The following TENM3 variants were observed in gnomAD, a reference collection of about 807,000 sequenced individuals.
TENM3 encodes teneurin-3.
In TENM3, 63 loss-of-function variants were observed where a neutral mutation model predicts 255.1. That is an observed-to-expected ratio of 0.25 (90% CI 0.20 to 0.30). The LOEUF is 0.30. TENM3 is among the 10% of genes least tolerant of loss of function. TENM3 has a pLI of 1.00. For missense variants in TENM3, 2,929 were observed against 3,461.1 expected, an observed-to-expected ratio of 0.85 and a Z score of 3.86; for synonymous variants, 1,306 against 1,322.3, an observed-to-expected ratio of 0.99 and a Z score of 0.27.
At chr4:182,369,536 C>T (rs1009994917) in intron 3 of TENM3, among the ~76,000 whole-genome samples, 36 of 152,160 alleles carry the variant, frequency 2.4e-4, no homozygotes, top group Non-Finnish European at 4.0e-4. Flanking sequence ...AGAGCTTCTG[C>T]GCAGTTGAAT....
chr4:181,727,184 G>A, the TENM3 span, among the ~76,000 whole-genome samples: 1 of 152,074 alleles, frequency 6.6e-6, no homozygotes, highest in East Asian at 1.9e-4. Context: ...CAGAGGTTGG[G>A]TGACCTGGGA....
At chr4:182,664,660 A>G (rs932565341) in intron 6 of TENM3, among the ~76,000 whole-genome samples, 7 of 152,332 alleles carry the variant, frequency 4.6e-5, no homozygotes, top group African/African-American at 4.8e-5. Flanking sequence ...AGAAGTTTTT[A>G]AAGGCAATTG....
At chr4:182,336,860 T>C (rs1391954971) in intron 2 of TENM3, among the ~76,000 whole-genome samples, 20 of 91,226 alleles carry the variant, frequency 2.2e-4, no homozygotes, top group Admixed American at 2.0e-3. Flanking sequence ...TTTTTTTTTT[T>C]TCTTGTGTTC....
At chr4:181,998,960 T>G in the TENM3 span, among the ~76,000 whole-genome samples, 1 of 152,128 alleles carries the variant, frequency 6.6e-6, no homozygotes, top group African/African-American at 2.4e-5. Flanking sequence ...ATGGTCAAAA[T>G]AAAACATCAT....
the TENM3 span, among the ~76,000 whole-genome samples, chr4:181,784,676 C>T: frequency 6.6e-6 from 1 of 152,078 alleles, no homozygotes; most frequent in Non-Finnish European, 1.5e-5. Flanking sequence ...TCCTTTTTCT[C>T]ATTTCAGATA....
the TENM3 span, among the ~76,000 whole-genome samples, chr4:181,973,298 T>A: frequency 6.6e-6 from 1 of 152,128 alleles, no homozygotes; most frequent in Non-Finnish European, 1.5e-5. Flanking sequence ...AGGATGAAGA[T>A]TCTACCTCTG....
the TENM3 span, among the ~76,000 whole-genome samples, chr4:181,664,352 C>A: frequency 2.0e-5 from 3 of 152,010 alleles, no homozygotes; most frequent in Non-Finnish European, 4.4e-5. Flanking sequence ...CACCTGTAAT[C>A]CCAGCTACTC....
chr4:182,232,432 AG>A (rs1333841374), intron 1 of TENM3, among the ~76,000 whole-genome samples: 2 of 152,228 alleles, frequency 1.3e-5, no homozygotes, highest in Admixed American at 1.3e-4. Flanking sequence ...CAGACATTAA[AG>A]ACATATATAC....
intron 3 of TENM3, among the ~76,000 whole-genome samples, chr4:182,594,359 C>G (rs1182457553): frequency 6.6e-6 from 1 of 151,832 alleles, no homozygotes; most frequent in Non-Finnish European, 1.5e-5. Context: ...ACTTTTTTGT[C>G]TCTACAAAAA....
chr4:182,196,415 C>T (rs1215189206), intron 1 of TENM3, among the ~76,000 whole-genome samples: 1 of 152,032 alleles, frequency 6.6e-6, no homozygotes, highest in Non-Finnish European at 1.5e-5. Flanking sequence ...TGGTAATTCA[C>T]CATAGCCACG....
At chr4:182,686,008 G>A (rs946016311) in intron 11 of TENM3, among the ~76,000 whole-genome samples, 14 of 151,826 alleles carry the variant, frequency 9.2e-5, no homozygotes, top group African/African-American at 2.4e-4. Context: ...ATATTTAGAC[G>A]GAATTTTTTT....
chr4:182,301,234 G>A (rs973994767), intron 1 of TENM3, among the ~76,000 whole-genome samples: 3 of 152,070 alleles, frequency 2.0e-5, no homozygotes, highest in Non-Finnish European at 4.4e-5. Context: ...AGCTTACACT[G>A]TTCCATCACC....
chr4:182,412,503 G>T (rs1770056449), intron 3 of TENM3, among the ~76,000 whole-genome samples: 1 of 152,140 alleles, frequency 6.6e-6, no homozygotes, highest in Non-Finnish European at 1.5e-5. Context: ...AAATGAAAAT[G>T]ATGAGTTTTA....
chr4:182,454,000 G>A (rs751332269), intron 3 of TENM3, among the ~76,000 whole-genome samples: 8 of 152,148 alleles, frequency 5.3e-5, no homozygotes, highest in Non-Finnish European at 1.2e-4. Flanking sequence ...GTGATAGTAG[G>A]GGGCAGTACA....
chr4:182,630,510 G>A (rs1751259650), intron 5 of TENM3, among the ~76,000 whole-genome samples: 2 of 152,240 alleles, frequency 1.3e-5, no homozygotes, highest in Middle Eastern at 3.4e-3. Flanking sequence ...GAACACACGG[G>A]CACAGGGAAG....
At chr4:182,770,044 T>C (rs1023605600) in intron 22 of TENM3, among the ~76,000 whole-genome samples, 1 of 149,492 alleles carries the variant, frequency 6.7e-6, no homozygotes, top group East Asian at 2.0e-4. Context: ...AGGCGGAGGT[T>C]GCAGTGAGCC....
the TENM3 span, among the ~76,000 whole-genome samples, chr4:181,673,856 G>A: frequency 0.12 from 17,061 of 140,176 alleles, 1,186 homozygotes; most frequent in East Asian, 0.23. Context: ...GTGTGTGTGT[G>A]TGTGTGTGTG....
intron 1 of TENM3, among the ~76,000 whole-genome samples, chr4:182,282,310 TGAG>T (rs1760439495): frequency 1.3e-5 from 2 of 152,182 alleles, no homozygotes; most frequent in South Asian, 4.1e-4. Context: ...AGGACAGTAG[TGAG>T]GATATGGATA....
At chr4:182,672,902 T>C in intron 6 of TENM3, 103 bp from the exon 7 acceptor site, 3 of 827,110 alleles carry the variant, frequency 3.6e-6, no homozygotes, top group Non-Finnish European at 5.6e-6. Flanking sequence ...TGAAATGGCT[T>C]GAGCATTTGG....
Sources: allele counts gnomAD v4.1 joint callset (sites outside exome capture counted in the v4.1 genomes callset), GRCh38; gene constraint gnomAD v4.1.1; transcripts MANE v1.5; gene names NCBI Gene and HGNC (gene_info 2026-07-23, HGNC 2026-07-21).